LRP1B: variants seen among roughly 807,000 people sequenced by gnomAD.
LRP1B encodes the protein low-density lipoprotein receptor-related protein 1B.
LRP1B carries 217 observed loss-of-function variants against 556.6 expected under a neutral mutation model. The observed-to-expected ratio is 0.39, with a 90% confidence interval of 0.35 to 0.44. The LOEUF is 0.44. Among genes scored for constraint, LRP1B ranks in the 20% least tolerant of loss-of-function variants. The pLI, the probability that LRP1B is intolerant of heterozygous loss-of-function variation, is 1.00. For missense variants in LRP1B, 5,053 were observed against 5,620.8 expected (o/e 0.90, Z 3.23); for synonymous variants, 2,047 against 1,865.8 (o/e 1.10, Z -2.50).
intron 7 of LRP1B, among the ~76,000 whole-genome samples, chr2:141,096,818 C>T (rs1450606499): frequency 1.3e-5 from 2 of 152,032 alleles, no homozygotes; most frequent in African/African-American, 2.4e-5. Context: ...TGTACTTTGT[C>T]TTATGAAATA....
chr2:141,610,531 G>T (rs546035342), intron 2 of LRP1B, among the ~76,000 whole-genome samples: 2 of 151,914 alleles, frequency 1.3e-5, no homozygotes, highest in African/African-American at 4.8e-5. Context: ...TCTATGTCAG[G>T]TCAGCCAGTA....
chr2:140,290,877 C>T (rs1025810084), intron 84 of LRP1B, among the ~76,000 whole-genome samples: 10 of 151,844 alleles, frequency 6.6e-5, no homozygotes, highest in African/African-American at 2.4e-4. Flanking sequence ...CAGGAGAAGC[C>T]CAGTTTTCAG....
intron 56 of LRP1B, among the ~76,000 whole-genome samples, chr2:140,494,434 T>G (rs1688827063): frequency 6.6e-6 from 1 of 151,910 alleles, no homozygotes; most frequent in South Asian, 2.1e-4. Context: ...ACCCCATCTC[T>G]ACTGAAAATA....
At chr2:140,313,548 T>A (rs1684395116) in intron 83 of LRP1B, among the ~76,000 whole-genome samples, 2 of 151,898 alleles carry the variant, frequency 1.3e-5, no homozygotes, top group South Asian at 4.1e-4. Context: ...TTTCTAAATA[T>A]AAATATAGAT....
chr2:141,397,276 C>T (rs1690276818), intron 3 of LRP1B, among the ~76,000 whole-genome samples: 1 of 151,446 alleles, frequency 6.6e-6, no homozygotes, highest in South Asian at 2.1e-4. Flanking sequence ...TAAAATTGAA[C>T]TTTTCTTCCT....
At chr2:141,924,002 C>A (rs1558964708) in intron 1 of LRP1B, among the ~76,000 whole-genome samples, 1 of 151,978 alleles carries the variant, frequency 6.6e-6, no homozygotes, top group Admixed American at 6.6e-5. Context: ...CAGGGAAATA[C>A]TGGGTAGAAG....
chr2:141,281,379 A>T (rs1685502737), intron 3 of LRP1B, among the ~76,000 whole-genome samples: 1 of 152,174 alleles, frequency 6.6e-6, no homozygotes, highest in East Asian at 1.9e-4. Context: ...ACTTTGCAGA[A>T]AAAAAATCTG....
chr2:141,697,199 A>T (rs939986430), intron 2 of LRP1B, among the ~76,000 whole-genome samples: 7 of 151,976 alleles, frequency 4.6e-5, no homozygotes, highest in African/African-American at 1.2e-4. Flanking sequence ...TCTTCTCTAC[A>T]TTATTTTAGT....
At chr2:141,747,470 T>A (rs1693956733) in intron 2 of LRP1B, among the ~76,000 whole-genome samples, 1 of 152,154 alleles carries the variant, frequency 6.6e-6, no homozygotes, top group Non-Finnish European at 1.5e-5. Flanking sequence ...AAATATGTGA[T>A]CTTTTAAAAG....
At chr2:141,074,038 A>G (rs975150450) in intron 7 of LRP1B, among the ~76,000 whole-genome samples, 1 of 152,076 alleles carries the variant, frequency 6.6e-6, no homozygotes, top group Non-Finnish European at 1.5e-5. Flanking sequence ...ATAGGAATCA[A>G]ATCTTACATT....
intron 57 of LRP1B, among the ~76,000 whole-genome samples, chr2:140,490,876 A>T (rs759516925): frequency 2.6e-4 from 39 of 152,256 alleles, no homozygotes; most frequent in Non-Finnish European, 5.0e-4. Flanking sequence ...CGTTTTCATC[A>T]TCCTCACTGT....
intron 68 of LRP1B, 45 bp downstream of exon 68, chr2:140,378,135 G>A: frequency 1.6e-6 from 2 of 1,239,506 alleles, no homozygotes; most frequent in Non-Finnish European, 2.4e-6. Context: ...TTACAAATGT[G>A]GTTCTAAAGC....
chr2:141,078,147 A>G (rs920458828), intron 7 of LRP1B, among the ~76,000 whole-genome samples: 1 of 152,116 alleles, frequency 6.6e-6, no homozygotes, highest in Non-Finnish European at 1.5e-5. Flanking sequence ...GAAAAACAGA[A>G]GTCAAATGTT....
At chr2:140,553,519 T>G (rs1044296031) in intron 43 of LRP1B, among the ~76,000 whole-genome samples, 1 of 151,934 alleles carries the variant, frequency 6.6e-6, no homozygotes, top group Non-Finnish European at 1.5e-5. Flanking sequence ...CTTCTAATAG[T>G]GAAATCAACC....
chr2:141,550,362 T>C (rs569236616), intron 2 of LRP1B, among the ~76,000 whole-genome samples: 28 of 152,300 alleles, frequency 1.8e-4, no homozygotes, highest in African/African-American at 6.5e-4. Context: ...GAATAAGCTC[T>C]TTGTATAGAT....
At chr2:141,056,444 A>G (rs1290317818) in intron 9 of LRP1B, among the ~76,000 whole-genome samples, 3 of 151,780 alleles carry the variant, frequency 2.0e-5, no homozygotes, top group Non-Finnish European at 4.4e-5. Context: ...GCTTACATCC[A>G]CACTGTGCAA....
chr2:141,987,039 T>C (rs1458240344), intron 1 of LRP1B, among the ~76,000 whole-genome samples: 1 of 151,992 alleles, frequency 6.6e-6, no homozygotes, highest in Non-Finnish European at 1.5e-5. Flanking sequence ...ACTTCATGAG[T>C]TATAGCTCCT....
intron 2 of LRP1B, among the ~76,000 whole-genome samples, chr2:141,717,516 G>T (rs1574278476): frequency 6.6e-6 from 1 of 152,262 alleles, no homozygotes; most frequent in South Asian, 2.1e-4. Flanking sequence ...ATAACTCAAT[G>T]CATCTTTAAT....
Position 140,455,425 on chromosome 2 carries a change from C to A in LRP1B, c.9963+1030G>T, listed in dbSNP as rs1056155660. ...GTACCAGGAACTTTTCCCATTTAAT[C>A]TGTATATGGCATAGAAATATTATAA... On this transcript the variant is annotated intron_variant, in intron 62 of 90. Transcript: ENST00000389484. Among the ~76,000 whole-genome samples the A allele has an allele frequency of 2.6e-5, 4 of 152,086 alleles. No individual in the cohort carries two copies. The South Asian group carries it at 8.3e-4, about 32-fold the overall frequency.
Sources: allele counts gnomAD v4.1 joint callset (sites outside exome capture counted in the v4.1 genomes callset), GRCh38; gene constraint gnomAD v4.1.1; transcripts MANE v1.5; gene names NCBI Gene and HGNC (gene_info 2026-07-23, HGNC 2026-07-21).